HCN1: variants seen among roughly 807,000 people sequenced by gnomAD.
HCN1 encodes hyperpolarization activated cyclic nucleotide gated potassium channel 1, also known as potassium/sodium hyperpolarization-activated cyclic nucleotide-gated channel 1.
In HCN1, 13 loss-of-function variants were observed where a neutral mutation model predicts 78.9. The observed-to-expected ratio is 0.16, with a 90% CI of 0.11 to 0.26. The LOEUF (loss-of-function observed/expected upper bound fraction) is 0.26. HCN1 is among the 10% of genes least tolerant of loss of function. HCN1 has a pLI of 1.00. For synonymous variants in HCN1, 552 were observed against 455.5 expected (o/e 1.21, Z -2.70); for missense variants, 810 against 1,154.3 (o/e 0.70, Z 4.32).
intron 4 of HCN1, among the ~76,000 whole-genome samples, chr5:45,374,729 G>C (rs2112015327): frequency 6.7e-6 from 1 of 149,238 alleles, no homozygotes; most frequent in East Asian, 2.0e-4. Context: ...GATGAACACA[G>C]ATACAAAACT....
At chr5:45,557,678 T>G (rs1205257884) in intron 2 of HCN1, among the ~76,000 whole-genome samples, 1 of 152,088 alleles carries the variant, frequency 6.6e-6, no homozygotes, top group African/African-American at 2.4e-5. Context: ...ATTTCAAACT[T>G]TTTCTTTGTT....
chr5:45,283,230 C>T (rs972920434), intron 6 of HCN1, among the ~76,000 whole-genome samples: 17 of 152,026 alleles, frequency 1.1e-4, no homozygotes, highest in South Asian at 2.1e-4. Flanking sequence ...GATATAGGAA[C>T]GGCCAAATAT....
intron 2 of HCN1, among the ~76,000 whole-genome samples, chr5:45,515,620 A>G (rs749463570): frequency 3.3e-5 from 5 of 152,060 alleles, no homozygotes; most frequent in Non-Finnish European, 5.9e-5. Flanking sequence ...TCATGTACAA[A>G]TAAATAGAGT....
At chr5:45,546,708 C>A (rs1743237443) in intron 2 of HCN1, among the ~76,000 whole-genome samples, 3 of 151,782 alleles carry the variant, frequency 2.0e-5, no homozygotes, top group Admixed American at 1.3e-4. Flanking sequence ...TTATAACGCA[C>A]CTATCCTATA....
At chr5:45,588,964 ATTTTG>A (rs1168733460) in intron 2 of HCN1, among the ~76,000 whole-genome samples, 1 of 152,108 alleles carries the variant, frequency 6.6e-6, no homozygotes, top group Non-Finnish European at 1.5e-5. Context: ...AGAGATTATG[ATTTTG>A]TTTTGTTTTA....
chr5:45,539,642 G>A (rs1375233938), intron 2 of HCN1, among the ~76,000 whole-genome samples: 2 of 149,900 alleles, frequency 1.3e-5, no homozygotes, highest in Non-Finnish European at 1.5e-5. Context: ...TCCAGCCTGG[G>A]TGACAGAGCG....
intron 6 of HCN1, among the ~76,000 whole-genome samples, chr5:45,269,971 C>T (rs1325715826): frequency 6.6e-6 from 1 of 152,212 alleles, no homozygotes; most frequent in Non-Finnish European, 1.5e-5. Context: ...TAAATGCAGG[C>T]TACAGAATAC....
chr5:45,685,435 C>T (rs752860901), intron 1 of HCN1, among the ~76,000 whole-genome samples: 1 of 152,124 alleles, frequency 6.6e-6, no homozygotes, highest in Non-Finnish European at 1.5e-5. Context: ...GTTTTCCGTC[C>T]GGAAGCAGTG....
intron 2 of HCN1, among the ~76,000 whole-genome samples, chr5:45,636,421 T>A (rs965233353): frequency 6.6e-6 from 1 of 152,192 alleles, no homozygotes; most frequent in Non-Finnish European, 1.5e-5. Context: ...GGTATCTGCA[T>A]GCACAGAGAA....
intron 5 of HCN1, among the ~76,000 whole-genome samples, chr5:45,322,580 A>G (rs1402277375): frequency 1.3e-5 from 2 of 151,884 alleles, no homozygotes; most frequent in African/African-American, 2.4e-5. Context: ...AGATTCATTT[A>G]TGTTTCATAT....
intron 5 of HCN1, among the ~76,000 whole-genome samples, chr5:45,314,042 C>T (rs1467704190): frequency 6.6e-6 from 1 of 152,024 alleles, no homozygotes; most frequent in Non-Finnish European, 1.5e-5. Context: ...AGAAGAGCAA[C>T]TCCAAGACAA....
intron 3 of HCN1, among the ~76,000 whole-genome samples, chr5:45,404,862 ATTTAT>A (rs1221536128): frequency 6.6e-6 from 1 of 152,008 alleles, no homozygotes; most frequent in Non-Finnish European, 1.5e-5. Flanking sequence ...ATGAGCTGAA[ATTTAT>A]TTAATTTAGG....
chr5:45,411,462 A>G (rs2112056364), intron 3 of HCN1, among the ~76,000 whole-genome samples: 1 of 152,120 alleles, frequency 6.6e-6, no homozygotes, highest in East Asian at 1.9e-4. Flanking sequence ...AATCAGGAAA[A>G]AAATGCATAT....
intron 2 of HCN1, among the ~76,000 whole-genome samples, chr5:45,501,139 CA>C (rs1268578461): frequency 2.6e-5 from 4 of 152,072 alleles, no homozygotes; most frequent in Admixed American, 6.5e-5. Flanking sequence ...GCAGCAGAAA[CA>C]AAATGATTAC....
chr5:45,378,831 T>A (rs1747744853), intron 4 of HCN1, among the ~76,000 whole-genome samples: 1 of 152,074 alleles, frequency 6.6e-6, no homozygotes, highest in Admixed American at 6.6e-5. Flanking sequence ...GTCCAAGTGT[T>A]CTCATTGTTC....
intron 5 of HCN1, among the ~76,000 whole-genome samples, chr5:45,346,597 T>C (rs1746718106): frequency 6.6e-6 from 1 of 152,048 alleles, no homozygotes. Context: ...GGTCAGGGAG[T>C]TCCCTTTCCT....
At chr5:45,396,386 C>T (rs1579866888) in intron 4 of HCN1, 106 bp downstream of exon 4, 9 of 759,684 alleles carry the variant, frequency 1.2e-5, no homozygotes, top group Middle Eastern at 3.8e-4. Context: ...CATTTTATCT[C>T]TTTTTTTTTT....
At chr5:45,282,016 G>T (rs953900343) in intron 6 of HCN1, among the ~76,000 whole-genome samples, 6 of 152,088 alleles carry the variant, frequency 3.9e-5, no homozygotes, top group Non-Finnish European at 8.8e-5. Flanking sequence ...TGGTACAAAA[G>T]CACATAGATT....
chr5:45,417,998 A>C (rs2112063784), intron 3 of HCN1, among the ~76,000 whole-genome samples: 1 of 152,022 alleles, frequency 6.6e-6, no homozygotes, highest in Non-Finnish European at 1.5e-5. Flanking sequence ...TTGGGCATGG[A>C]ATGTCTCTTA....
Sources: allele counts gnomAD v4.1 joint callset (sites outside exome capture counted in the v4.1 genomes callset), GRCh38; gene constraint gnomAD v4.1.1; transcripts MANE v1.5; gene names NCBI Gene and HGNC (gene_info 2026-07-23, HGNC 2026-07-21).